ARHGEF10: variants seen among roughly 807,000 people sequenced by gnomAD.
The protein encoded by ARHGEF10 is Rho guanine nucleotide exchange factor (GEF) 10.
A neutral mutation model predicts 147.4 loss-of-function variants in ARHGEF10; 140 were observed. The observed-to-expected ratio is 0.95, with a 90% CI of 0.83 to 1.09. The LOEUF is 1.09. Among genes scored for constraint, ARHGEF10 ranks in the 50% least tolerant of loss-of-function variants. The pLI is 0.00. For missense variants in ARHGEF10, 2,222 were observed against 1,752.7 expected (o/e 1.27, Z -4.78); for synonymous variants, 902 against 695.8 (o/e 1.30, Z -4.67).
intron 21 of ARHGEF10, among the ~76,000 whole-genome samples, chr8:1,924,549 A>G (rs1812541649): frequency 1.3e-5 from 2 of 152,244 alleles, no homozygotes; most frequent in South Asian, 4.1e-4. Flanking sequence ...AGAGAAATGC[A>G]GAGCGTGGGT....
At chr8:1,850,896 G>A (rs1805081955) in intron 2 of ARHGEF10, among the ~76,000 whole-genome samples, 1 of 152,148 alleles carries the variant, frequency 6.6e-6, no homozygotes, top group South Asian at 2.1e-4. Flanking sequence ...GCCGTGAAAA[G>A]ACATGGAGGA....
intron 2 of ARHGEF10, among the ~76,000 whole-genome samples, chr8:1,856,734 G>C (rs1199094703): frequency 1.3e-5 from 2 of 152,196 alleles, no homozygotes; most frequent in Non-Finnish European, 2.9e-5. Flanking sequence ...GATTGTCTGT[G>C]TTGGAGGGGC....
At chr8:1,826,003 A>T in intron 1 of ARHGEF10, 4 of 923,022 alleles carry the variant, frequency 4.3e-6, no homozygotes, top group Non-Finnish European at 5.1e-6. Context: ...TTTACACGTC[A>T]TGTATTTTTA....
intron 1 of ARHGEF10, among the ~76,000 whole-genome samples, chr8:1,841,565 T>A (rs554350001): frequency 5.3e-5 from 8 of 152,234 alleles, no homozygotes; most frequent in African/African-American, 1.9e-4. Flanking sequence ...GTGGGCCATG[T>A]TGAGTGAACA....
chr8:1,879,317 T>C (rs1199040342), intron 8 of ARHGEF10, among the ~76,000 whole-genome samples: 1 of 152,160 alleles, frequency 6.6e-6, no homozygotes, highest in African/African-American at 2.4e-5. Flanking sequence ...CCCCAAAATA[T>C]GTCACTTTCA....
At chr8:1,833,089 CAG>C (rs1803330063) in intron 1 of ARHGEF10, among the ~76,000 whole-genome samples, 1 of 30,406 alleles carries the variant, frequency 3.3e-5, no homozygotes, top group Non-Finnish European at 7.1e-5. Context: ...GAGACAGAGA[CAG>C]AGGCAGAGAG....
chr8:1,874,663 T>C (rs867429719), intron 7 of ARHGEF10, among the ~76,000 whole-genome samples: 1,380 of 111,380 alleles, frequency 0.012, no homozygotes, highest in Middle Eastern at 0.042. Context: ...CACACCAGGG[T>C]GTGTAGGGGG....
intron 9 of ARHGEF10, among the ~76,000 whole-genome samples, chr8:1,881,409 G>T (rs960923888): frequency 6.6e-6 from 1 of 152,230 alleles, no homozygotes; most frequent in Admixed American, 6.5e-5. Context: ...TTGAGAAAGA[G>T]CAGGATGTAG....
chr8:1,921,087 C>G (rs1467774836), intron 18 of ARHGEF10, among the ~76,000 whole-genome samples: 1 of 152,114 alleles, frequency 6.6e-6, no homozygotes, highest in African/African-American at 2.4e-5. Context: ...TGCCTGGCCG[C>G]TCCCTTTGTT....
At chr8:1,840,529 G>T (rs1267529199) in intron 1 of ARHGEF10, among the ~76,000 whole-genome samples, 13 of 145,648 alleles carry the variant, frequency 8.9e-5, no homozygotes, top group African/African-American at 2.8e-4. Context: ...AATCTGTCCG[G>T]TGTGGGGACT....
At chr8:1,933,429 AT>A (rs1228607623) in intron 25 of ARHGEF10, among the ~76,000 whole-genome samples, 2 of 151,974 alleles carry the variant, frequency 1.3e-5, no homozygotes, top group African/African-American at 4.8e-5. Flanking sequence ...GCATTATTTC[AT>A]TTTTAACTTT....
intron 26 of ARHGEF10, among the ~76,000 whole-genome samples, chr8:1,936,790 G>A (rs1487845244): frequency 6.6e-6 from 1 of 152,214 alleles, no homozygotes; most frequent in East Asian, 1.9e-4. Context: ...GTTTCAGGAT[G>A]TGCCTAGGCT....
At chr8:1,906,565 C>T (rs971205268) in intron 17 of ARHGEF10, among the ~76,000 whole-genome samples, 2 of 152,192 alleles carry the variant, frequency 1.3e-5, no homozygotes, top group Admixed American at 6.5e-5. Flanking sequence ...ATATATCTGC[C>T]TGCCCTCCTC....
upstream of ARHGEF10, among the ~76,000 whole-genome samples, chr8:1,823,751 G>C (rs80201040): frequency 0.016 from 2,385 of 151,968 alleles, 74 homozygotes; most frequent in African/African-American, 0.054. Flanking sequence ...CGCAGCCTGG[G>C]CCGGGCGTTG....
At position 1,957,002 on chromosome 8, in the gene ARHGEF10, C is replaced by T. The variant is rs780362412; in HGVS notation, c.3774C>T (p.Ser1258=). 1.9e-6 allele frequency: 3 copies of T among 1,614,130 alleles called. No individual in the cohort carries two copies. Among genetic ancestry groups the T allele is most frequent in the Non-Finnish European group, 2.5e-6 (3 of 1,180,050 alleles). ...GSMTQKSDLS[S]SSGSLSLSHG... is the part of the protein sequence containing the mutation. ...TGACTCAGAAAAGCGACCTGTCCTCCTCATCTGGGTCCCTGAGCTTGTCTC... is the reference window on the plus strand; with the variant it reads ...TGACTCAGAAAAGCGACCTGTCCTCTTCATCTGGGTCCCTGAGCTTGTCTC... Residue 1258 remains serine (S), a synonymous_variant, in exon 29 of 29, where the codon TCC becomes TCT. Transcript: ENST00000349830.
At chr8:1,854,467 A>C (rs1350099320) in intron 2 of ARHGEF10, among the ~76,000 whole-genome samples, 1 of 152,206 alleles carries the variant, frequency 6.6e-6, no homozygotes, top group Non-Finnish European at 1.5e-5. Context: ...AGGAATTTGT[A>C]ACACACATCA....
intron 10 of ARHGEF10, among the ~76,000 whole-genome samples, chr8:1,884,896 C>G (rs1020159849): frequency 6.6e-6 from 1 of 152,144 alleles, no homozygotes; most frequent in African/African-American, 2.4e-5. Context: ...TCCTCACTAG[C>G]TGGGAGTACA....
chr8:1,930,772 G>T (rs1293952580), intron 25 of ARHGEF10, among the ~76,000 whole-genome samples: 1 of 152,222 alleles, frequency 6.6e-6, no homozygotes, highest in Non-Finnish European at 1.5e-5. Context: ...CTCCCGTGTG[G>T]TTCCGGCCTG....
In ARHGEF10 at chr8:1,925,177, A is replaced by G. The variant is rs1159508200; in HGVS notation, c.2489-106A>G. ...AAAACATGGCGTTGTCTGGCCCTGT[A>G]CAAACAGAATGCCAGAAACTTCCCC... On this transcript the variant is annotated intron_variant, in intron 21 of 28. Transcript: ENST00000349830. The G allele has an allele frequency of 3.8e-5, 54 of 1,415,604 alleles. 1 individual carries two copies. In the South Asian group the frequency reaches 6.1e-4, roughly 16 times the overall value. The allele number at this position is 1,415,604 out of a possible 1,614,324, so 87.7% of individuals were successfully genotyped here. A position where few individuals can be genotyped will look rare whatever the true frequency, so the allele number is the denominator to read the frequency against.
Sources: gnomAD v4.1 joint callset for allele counts (sites outside exome capture counted in the v4.1 genomes callset) on GRCh38, gnomAD v4.1.1 for gene constraint, MANE v1.5 for transcripts, NCBI Gene and HGNC (gene_info 2026-07-23, HGNC 2026-07-21) for gene names.